Variants in IL22RA2 observed in about 807,000 individuals in gnomAD.
IL22RA2 encodes interleukin-22 receptor subunit alpha-2.
IL22RA2 carries 39 observed loss-of-function variants against 30.7 expected under a neutral mutation model. The observed-to-expected ratio is 1.27, with a 90% confidence interval of 0.98 to 1.66. The LOEUF (loss-of-function observed/expected upper bound fraction) is 1.66. Among genes scored for constraint, IL22RA2 ranks in the 40% most tolerant of loss-of-function variants. IL22RA2 has a pLI of 0.00. For synonymous variants in IL22RA2, 103 were observed against 105.0 expected (o/e 0.98, Z 0.11); for missense variants, 315 against 312.7 (o/e 1.01, Z -0.05).
chr6:137,147,809 A>G lies in IL22RA2; in HGVS notation c.555T>C (p.Tyr185=), dbSNP rs1188870742. ...ATACATTTTTTTCCTTTTGGTATCTATATGGTAAATTTGGAGCATGGAGAA... is the reference window on the plus strand; with the variant it reads ...ATACATTTTTTTCCTTTTGGTATCTGTATGGTAAATTTGGAGCATGGAGAA... ...LVILHAPNLP[Y]RYQKEKNVSI... is the part of the protein sequence containing the mutation. Residue 185 remains tyrosine (Y), a synonymous_variant, in exon 6 of 7, where the codon TAT becomes TAC. Transcript: ENST00000296980. The G allele has an allele frequency of 1.9e-6, 3 of 1,613,262 alleles. No homozygotes were observed. The highest frequency in any genetic ancestry group is 2.5e-6 in the Non-Finnish European group (3 of 1,179,414).
intron 5 of IL22RA2, among the ~76,000 whole-genome samples, chr6:137,154,046 C>A (rs1778347987): frequency 6.6e-6 from 1 of 151,964 alleles, no homozygotes; most frequent in African/African-American, 2.4e-5. Context: ...CCTTCTCTCT[C>A]TCTCTCTACT....
chr6:137,151,225 T>C (rs1460447647), intron 5 of IL22RA2, among the ~76,000 whole-genome samples: 1 of 152,170 alleles, frequency 6.6e-6, no homozygotes, highest in Non-Finnish European at 1.5e-5. Context: ...GATGAATGTA[T>C]AGCTCAATAG....
At position 137,154,929 on chromosome 6, in the gene IL22RA2, C is replaced by T. The variant is rs746721930; in HGVS notation, c.472+12G>A. 25 of 1,613,274 alleles carry T rather than the reference C, an allele frequency of 1.5e-5. No individual in the cohort carries two copies. In the South Asian group the frequency reaches 2.7e-4, roughly 18 times the overall value. ...AGGAAGAACAAGGGCAAAGAAACTC[C>T]ATGGAACTCACTTTCCCACCAGGGA... On this transcript the variant is annotated intron_variant, in intron 5 of 6. Transcript: ENST00000296980.
At chr6:137,148,337 AGT>A (rs1470747847) in intron 5 of IL22RA2, among the ~76,000 whole-genome samples, 2 of 152,070 alleles carry the variant, frequency 1.3e-5, no homozygotes, top group Admixed American at 6.6e-5. Flanking sequence ...CAGCTTCCTG[AGT>A]AGCTGAGATT....
chr6:137,147,987 C>T, intron 5 of IL22RA2, 96 bp from the exon 6 acceptor site: 1 of 1,150,668 alleles, frequency 8.7e-7, no homozygotes, highest in Non-Finnish European at 1.3e-6. Flanking sequence ...GTGGGAGGAT[C>T]ACCTGAGCCC....
chr6:137,154,950 A>T lies in IL22RA2; in HGVS notation c.463T>A (p.Trp155Arg), dbSNP rs560894813. ...ACTCCATGGAACTCACTTTCCCACC[A>T]GGGAGTGAACCGCGGCGTCATGCTC... ...EWSMTPRFTP[W>R]WETKIDPPVM... Residue 155 changes from tryptophan (W) to arginine (R), a missense_variant, in exon 5 of 7, where the codon TGG becomes AGG. Transcript: ENST00000296980. The T allele has an allele frequency of 3.7e-6, 6 of 1,614,080 alleles. No homozygotes were observed. In the South Asian group the frequency reaches 5.5e-5, roughly 15 times the overall value.
At chr6:137,155,535 T>G (rs910338066) in intron 4 of IL22RA2, among the ~76,000 whole-genome samples, 1 of 150,800 alleles carries the variant, frequency 6.6e-6, no homozygotes, top group African/African-American at 2.4e-5. Flanking sequence ...ATAAAATATA[T>G]ATAAAACAGA....
intron 5 of IL22RA2, among the ~76,000 whole-genome samples, chr6:137,151,447 A>G (rs1467045505): frequency 1.3e-5 from 2 of 152,258 alleles, no homozygotes; most frequent in East Asian, 1.9e-4. Context: ...AGATAAAACT[A>G]TAAAACTCTT....
intron 1 of IL22RA2, among the ~76,000 whole-genome samples, chr6:137,163,495 A>G (rs1208910078): frequency 1.3e-5 from 2 of 152,182 alleles, no homozygotes; most frequent in East Asian, 3.9e-4. Flanking sequence ...CAGAAGGAGA[A>G]CAGCCCTTCC....
chr6:137,158,272 T>C, intron 3 of IL22RA2, 75 bp downstream of exon 3: 1 of 1,559,962 alleles, frequency 6.4e-7, no homozygotes, highest in Non-Finnish European at 8.8e-7. Context: ...GCTCGGATCC[T>C]AACACTCCAT....
At position 137,145,407 on chromosome 6, in the gene IL22RA2, A is replaced by T; in HGVS notation, c.*217T>A. 2.3e-6 allele frequency: 1 copy of T among 437,964 alleles called. No homozygotes were observed. The highest frequency in any genetic ancestry group is 4.0e-6 in the Non-Finnish European group (1 of 251,296). 27.1% of individuals were successfully genotyped at this position (437,964 alleles called of 1,614,324 possible). ...ACTTTATTCTCTGCCTCATCTTTAC[A>T]TTTCAATTTTTCGGGGGGAATGTCG... On this transcript the variant is annotated 3_prime_UTR_variant, in exon 7 of 7. Transcript: ENST00000296980.
chr6:137,166,203 A>G (rs1778622185), intron 1 of IL22RA2, among the ~76,000 whole-genome samples: 1 of 152,258 alleles, frequency 6.6e-6, no homozygotes, highest in Non-Finnish European at 1.5e-5. Context: ...TGAATTCAGC[A>G]GCTGAAACCT....
intron 5 of IL22RA2, among the ~76,000 whole-genome samples, chr6:137,153,848 T>G (rs1174201074): frequency 6.6e-6 from 1 of 152,144 alleles, no homozygotes; most frequent in Non-Finnish European, 1.5e-5. Context: ...CTCAAACTCC[T>G]CGTGGATAAA....
At chr6:137,151,344 A>T (rs1249997793) in intron 5 of IL22RA2, among the ~76,000 whole-genome samples, 1 of 152,266 alleles carries the variant, frequency 6.6e-6, no homozygotes, top group Non-Finnish European at 1.5e-5. Context: ...GTGCTGGGAC[A>T]GCTGGATAGT....
At chr6:137,165,364 A>T (rs1582609873) in intron 1 of IL22RA2, among the ~76,000 whole-genome samples, 1 of 152,208 alleles carries the variant, frequency 6.6e-6, no homozygotes, top group African/African-American at 2.4e-5. Context: ...AGGTGCAAGA[A>T]GACATCGGAA....
chr6:137,155,836 A>G (rs980091733), intron 4 of IL22RA2, among the ~76,000 whole-genome samples: 2 of 152,052 alleles, frequency 1.3e-5, no homozygotes, highest in South Asian at 4.1e-4. Flanking sequence ...ACTTGGCAAA[A>G]TGTTCTTTCT....
Position 137,161,684 on chromosome 6 carries a change from CT to C in IL22RA2, c.61+4del. On this transcript the variant is annotated splice_donor_region_variant and intron_variant, in intron 2 of 6. Transcript: ENST00000296980. ...TGAGCAATTAAAAAGAAACAAAGCA[CT>C]TACCTGCTACACCAGTAAGGAAGAA... 1 of 1,611,564 alleles carries C rather than the reference CT, an allele frequency of 6.2e-7. No individual in the cohort carries two copies. Among genetic ancestry groups the C allele is most frequent in the Non-Finnish European group, 8.5e-7 (1 of 1,177,938 alleles).
At chr6:137,172,886 C>G (rs28385758) in intron 1 of IL22RA2, among the ~76,000 whole-genome samples, 161 of 151,882 alleles carry the variant, frequency 1.1e-3, no homozygotes, top group African/African-American at 3.8e-3. Flanking sequence ...TTTTTTAGAG[C>G]TACCTATTAT....
At chr6:137,153,206 C>A (rs1378307456) in intron 5 of IL22RA2, among the ~76,000 whole-genome samples, 3 of 152,026 alleles carry the variant, frequency 2.0e-5, no homozygotes, top group Admixed American at 6.5e-5. Context: ...TTGCTTATGA[C>A]AAAGAACTTA....
Sources: allele counts gnomAD v4.1 joint callset (sites outside exome capture counted in the v4.1 genomes callset), GRCh38; gene constraint gnomAD v4.1.1; transcripts MANE v1.5; gene names NCBI Gene and HGNC (gene_info 2026-07-23, HGNC 2026-07-21).